GALNT17: variants seen among roughly 807,000 people sequenced by gnomAD.
GALNT17 encodes polypeptide N-acetylgalactosaminyltransferase 17.
Under a neutral mutation model 63.7 loss-of-function variants are expected in GALNT17, and 29 were observed. The ratio of observed to expected loss-of-function variants is 0.46; its 90% CI spans 0.34 to 0.62. GALNT17 has a LOEUF of 0.62. Ranked by LOEUF, GALNT17 falls within the 20% of genes least tolerant of loss-of-function variation. GALNT17 has a pLI of 0.01. For synonymous variants in GALNT17, 305 were observed against 318.3 expected (o/e 0.96, Z 0.45); for missense variants, 603 against 799.6 (o/e 0.75, Z 2.97).
At chr7:71,527,792 C>G (rs528628999) in intron 5 of GALNT17, among the ~76,000 whole-genome samples, 1 of 152,312 alleles carries the variant, frequency 6.6e-6, no homozygotes, top group South Asian at 2.1e-4. Flanking sequence ...CACACCCACA[C>G]AGCACACACG....
intron 1 of GALNT17, among the ~76,000 whole-genome samples, chr7:71,236,194 T>A (rs1036003777): frequency 2.1e-4 from 30 of 144,044 alleles, no homozygotes; most frequent in African/African-American, 6.6e-4. Flanking sequence ...AAAAATTAAA[T>A]AAAAAAAAAA....
intron 2 of GALNT17, among the ~76,000 whole-genome samples, chr7:71,366,818 C>T (rs1399185941): frequency 1.3e-5 from 2 of 152,120 alleles, no homozygotes; most frequent in Non-Finnish European, 2.9e-5. Flanking sequence ...CACCTGACTC[C>T]CTAGGTAAGA....
chr7:71,386,122 C>T (rs1792938864), intron 2 of GALNT17, among the ~76,000 whole-genome samples: 1 of 152,174 alleles, frequency 6.6e-6, no homozygotes, highest in Non-Finnish European at 1.5e-5. Flanking sequence ...TCCCTGGCAG[C>T]CCCCAGAAGT....
chr7:71,268,387 C>CA (rs35198398), intron 1 of GALNT17, among the ~76,000 whole-genome samples: 135 of 131,308 alleles, frequency 1.0e-3, no homozygotes, highest in South Asian at 2.3e-3. Flanking sequence ...ACAAAAAATA[C>CA]AAAAAAAAAA....
At chr7:71,495,587 T>C (rs1788081106) in intron 5 of GALNT17, among the ~76,000 whole-genome samples, 1 of 152,110 alleles carries the variant, frequency 6.6e-6, no homozygotes, top group Admixed American at 6.6e-5. Flanking sequence ...TGAATTTAAG[T>C]GCAGGGCCGA....
intron 5 of GALNT17, among the ~76,000 whole-genome samples, chr7:71,480,173 T>C (rs1171933467): frequency 7.3e-6 from 1 of 137,804 alleles, no homozygotes; most frequent in Admixed American, 7.4e-5. Flanking sequence ...TTTTTTTTTT[T>C]TTTTTTTTTT....
intron 3 of GALNT17, among the ~76,000 whole-genome samples, chr7:71,409,247 C>T (rs1793388302): frequency 6.6e-6 from 1 of 152,068 alleles, no homozygotes; most frequent in Non-Finnish European, 1.5e-5. Context: ...TTGGAGTAAG[C>T]TCTGGCCCAC....
intron 6 of GALNT17, among the ~76,000 whole-genome samples, chr7:71,599,667 T>C (rs1789937352): frequency 6.6e-6 from 1 of 151,838 alleles, no homozygotes; most frequent in Non-Finnish European, 1.5e-5. Flanking sequence ...CATTGATATC[T>C]GGTGGGTAGA....
At chr7:71,345,839 C>T (rs1467762783) in intron 2 of GALNT17, among the ~76,000 whole-genome samples, 3 of 151,704 alleles carry the variant, frequency 2.0e-5, no homozygotes, top group African/African-American at 7.3e-5. Flanking sequence ...CAATAGATAC[C>T]CTGTGTCTCA....
intron 1 of GALNT17, among the ~76,000 whole-genome samples, chr7:71,278,403 C>T (rs914554500): frequency 2.6e-5 from 4 of 152,212 alleles, no homozygotes; most frequent in Non-Finnish European, 5.9e-5. Context: ...CCACTTTTAG[C>T]TTCCAGGTTC....
intron 1 of GALNT17, among the ~76,000 whole-genome samples, chr7:71,306,676 C>T (rs1791304953): frequency 6.6e-6 from 1 of 152,120 alleles, no homozygotes; most frequent in Admixed American, 6.6e-5. Flanking sequence ...ACAGAAATTA[C>T]TTTTGCACCA....
chr7:71,658,715 C>G (rs1200426309), intron 6 of GALNT17, among the ~76,000 whole-genome samples: 1 of 151,930 alleles, frequency 6.6e-6, no homozygotes, highest in African/African-American at 2.4e-5. Context: ...TGGCAAAACC[C>G]CATCTCTACT....
intron 1 of GALNT17, among the ~76,000 whole-genome samples, chr7:71,228,256 C>G (rs1400202995): frequency 6.6e-6 from 1 of 152,154 alleles, no homozygotes; most frequent in Non-Finnish European, 1.5e-5. Flanking sequence ...GCTCCTAACT[C>G]AACCCAGCAA....
intron 1 of GALNT17, among the ~76,000 whole-genome samples, chr7:71,242,214 G>A (rs1349861286): frequency 6.7e-6 from 1 of 149,826 alleles, no homozygotes; most frequent in Non-Finnish European, 1.5e-5. Context: ...CCTTCCACTT[G>A]GCCCACCTCT....
chr7:71,657,212 G>T (rs1007951847), intron 6 of GALNT17, among the ~76,000 whole-genome samples: 1 of 152,116 alleles, frequency 6.6e-6, no homozygotes, highest in African/African-American at 2.4e-5. Context: ...AGATGATGTG[G>T]ACCATTAGAG....
intron 2 of GALNT17, among the ~76,000 whole-genome samples, chr7:71,337,742 C>T (rs948308430): frequency 1.3e-4 from 19 of 151,782 alleles, no homozygotes; most frequent in Admixed American, 3.9e-4. Context: ...GTGGCAGGCT[C>T]CTATAATCCC....
chr7:71,455,513 T>G (rs1381673318), intron 5 of GALNT17, among the ~76,000 whole-genome samples: 10 of 151,928 alleles, frequency 6.6e-5, no homozygotes, highest in Non-Finnish European at 1.0e-4. Context: ...TTTGTTTTTT[T>G]TTTTGCATTT....
intron 5 of GALNT17, among the ~76,000 whole-genome samples, chr7:71,500,863 C>T (rs997312725): frequency 6.6e-6 from 1 of 152,152 alleles, no homozygotes; most frequent in African/African-American, 2.4e-5. Flanking sequence ...CCTCCAAACC[C>T]CTGTCCTCTC....
intron 6 of GALNT17, among the ~76,000 whole-genome samples, chr7:71,596,460 T>C (rs1789888730): frequency 6.6e-6 from 1 of 152,058 alleles, no homozygotes; most frequent in South Asian, 2.1e-4. Context: ...CAGTGCAAAG[T>C]ACCTGCAAAG....
Sources: gnomAD v4.1 joint callset for allele counts (sites outside exome capture counted in the v4.1 genomes callset) on GRCh38, gnomAD v4.1.1 for gene constraint, MANE v1.5 for transcripts, NCBI Gene and HGNC (gene_info 2026-07-23, HGNC 2026-07-21) for gene names.